Variants in ZMYM2 observed in about 807,000 individuals in gnomAD.
ZMYM2 encodes zinc finger MYM-type protein 2.
ZMYM2 carries 56 observed loss-of-function variants against 162.8 expected under a neutral mutation model. The ratio of observed to expected loss-of-function variants is 0.34; its 90% CI spans 0.28 to 0.43. ZMYM2 has a LOEUF of 0.43. ZMYM2 is among the 20% of genes least tolerant of loss of function. The probability of loss-of-function intolerance (pLI) is 1.00; values close to 1 mark genes in which losing one functional copy is unlikely to be tolerated. For synonymous variants in ZMYM2, 510 were observed against 541.6 expected, an observed-to-expected ratio of 0.94 and a Z score of 0.81; for missense variants, 1,275 against 1,621.8, an observed-to-expected ratio of 0.79 and a Z score of 3.67.
At chr13:19,885,889 A>ATGTGTATACACACATG in the ZMYM2 span, among the ~76,000 whole-genome samples, 2 of 33,278 alleles carry the variant, frequency 6.0e-5, 1 homozygote, top group African/African-American at 1.3e-4. Context: ...ACACATATAT[A>ATGTGTATACACACATG]TGTGTATACA....
At chr13:20,064,584 A>G (rs376649942) in intron 19 of ZMYM2, 39 bp downstream of exon 19, 2 of 1,464,288 alleles carry the variant, frequency 1.4e-6, no homozygotes, top group East Asian at 2.6e-5. Context: ...ATATTTCTCT[A>G]TAGGCAAACA....
intron 3 of ZMYM2, among the ~76,000 whole-genome samples, chr13:19,994,792 T>G (rs1949894039): frequency 6.6e-6 from 1 of 152,016 alleles, no homozygotes; most frequent in Non-Finnish European, 1.5e-5. Context: ...CCTGGCCGCA[T>G]TTAGATTTAT....
chr13:19,966,733 G>A (rs1246856565), intron 2 of ZMYM2, among the ~76,000 whole-genome samples: 11 of 152,090 alleles, frequency 7.2e-5, no homozygotes, highest in Admixed American at 3.3e-4. Context: ...GAGCCACCGC[G>A]CCCAGCCTGC....
At chr13:19,997,813 C>T (rs1248655538) in intron 3 of ZMYM2, among the ~76,000 whole-genome samples, 1 of 152,164 alleles carries the variant, frequency 6.6e-6, no homozygotes, top group African/African-American at 2.4e-5. Flanking sequence ...TGCAACCATT[C>T]CTGCCATTCC....
chr13:19,896,795 C>G, the ZMYM2 span, among the ~76,000 whole-genome samples: 1 of 150,742 alleles, frequency 6.6e-6, no homozygotes, highest in East Asian at 2.0e-4. Context: ...GAATGGAATC[C>G]ACTGGGTGTT....
intron 21 of ZMYM2, among the ~76,000 whole-genome samples, chr13:20,069,226 C>T (rs1399395357): frequency 6.6e-6 from 1 of 151,902 alleles, no homozygotes; most frequent in Non-Finnish European, 1.5e-5. Flanking sequence ...ACAGTTTTAC[C>T]TCTTTCTGAT....
At chr13:20,063,202 A>C (rs1712057491) in intron 18 of ZMYM2, among the ~76,000 whole-genome samples, 3 of 152,070 alleles carry the variant, frequency 2.0e-5, no homozygotes, top group South Asian at 4.1e-4. Context: ...CAGGAGTTCA[A>C]GACCAGCCTG....
intron 6 of ZMYM2, among the ~76,000 whole-genome samples, chr13:20,012,002 G>A (rs1951235010): frequency 1.3e-5 from 2 of 151,866 alleles, no homozygotes; most frequent in Non-Finnish European, 1.5e-5. Flanking sequence ...CACCTGCCTC[G>A]ACCTCCCAAA....
the ZMYM2 span, among the ~76,000 whole-genome samples, chr13:19,895,076 CAAA>C: frequency 1.1e-4 from 9 of 83,734 alleles, no homozygotes; most frequent in African/African-American, 2.9e-4. Context: ...AACTCCATCT[CAAA>C]AAAAAAAAAA....
intron 12 of ZMYM2, among the ~76,000 whole-genome samples, chr13:20,047,509 C>T (rs1298917361): frequency 1.3e-5 from 2 of 152,148 alleles, no homozygotes; most frequent in African/African-American, 4.8e-5. Context: ...TAAAAATCAA[C>T]AGCTAGCCAA....
Position 19,964,437 on chromosome 13 carries a change from C to T in ZMYM2, c.-11+4411C>T, listed in dbSNP as rs1183300430. Among the ~76,000 whole-genome samples, 6 of 151,992 alleles carry T rather than the reference C, an allele frequency of 3.9e-5. No homozygotes were observed. The East Asian group carries it at 9.6e-4, about 24-fold the overall frequency. The stretch of plus-strand genomic sequence containing the variant: ...AATAGATAATGCATGTTTAATAGGT[C>T]GGTTTTTTGTAGAGACAGGGACCCA... On this transcript the variant is annotated intron_variant, in intron 2 of 24. Transcript: ENST00000610343.
chr13:20,013,056 T>C (rs1340619465), intron 6 of ZMYM2, among the ~76,000 whole-genome samples: 2 of 152,252 alleles, frequency 1.3e-5, no homozygotes, highest in African/African-American at 4.8e-5. Context: ...AGTATTGACA[T>C]CTTAGCAATA....
intron 3 of ZMYM2, among the ~76,000 whole-genome samples, chr13:19,994,162 A>T (rs1443704777): frequency 6.6e-6 from 1 of 152,236 alleles, no homozygotes; most frequent in Non-Finnish European, 1.5e-5. Context: ...TTAAGAAAAA[A>T]ATACTCTTTA....
intron 12 of ZMYM2, among the ~76,000 whole-genome samples, chr13:20,040,660 TC>T (rs1954165679): frequency 6.6e-6 from 1 of 152,180 alleles, no homozygotes; most frequent in South Asian, 2.1e-4. Flanking sequence ...GGATTGGTTT[TC>T]TCTTGGTTCT....
intron 12 of ZMYM2, among the ~76,000 whole-genome samples, chr13:20,039,293 G>C (rs1954014453): frequency 6.6e-6 from 1 of 152,064 alleles, no homozygotes; most frequent in Non-Finnish European, 1.5e-5. Flanking sequence ...CTCTGGCCAG[G>C]ACTTCCAATA....
intron 15 of ZMYM2, 54 bp from the exon 16 acceptor site, chr13:20,059,393 C>A: frequency 6.3e-7 from 1 of 1,583,990 alleles, no homozygotes; most frequent in South Asian, 1.2e-5. Context: ...ACATTGAGCA[C>A]CTGTATATAA....
intron 9 of ZMYM2, among the ~76,000 whole-genome samples, chr13:20,030,612 A>C (rs935135659): frequency 6.6e-6 from 1 of 151,836 alleles, no homozygotes; most frequent in Non-Finnish European, 1.5e-5. Flanking sequence ...GTTAGCCAGG[A>C]TGGTCTCGAT....
In ZMYM2 at chr13:20,005,963, C is replaced by T. The variant is rs1201516203; in HGVS notation, c.1300-411C>T. On this transcript the variant is annotated intron_variant, in intron 5 of 24. Coordinates refer to ENST00000610343, the MANE Select transcript of ZMYM2 (RefSeq NM_197968.4). ...ATGAAAATGGGGCCAGGCTCAGTAG[C>T]TCACACCTATATAATCCTAGCACTT... Among the ~76,000 whole-genome samples, 6 of 152,098 alleles carry T rather than the reference C, an allele frequency of 3.9e-5. No homozygotes were observed. In the East Asian group the frequency reaches 9.6e-4, roughly 24 times the overall value.
chr13:19,898,783 C>T, the ZMYM2 span, among the ~76,000 whole-genome samples: 1 of 151,882 alleles, frequency 6.6e-6, no homozygotes, highest in African/African-American at 2.4e-5. Flanking sequence ...AAAAATTAGC[C>T]AGATGCAATG....
Sources: allele counts gnomAD v4.1 joint callset (sites outside exome capture counted in the v4.1 genomes callset), GRCh38; gene constraint gnomAD v4.1.1; transcripts MANE v1.5; gene names NCBI Gene and HGNC (gene_info 2026-07-23, HGNC 2026-07-21).